Variants in KCNK9 observed in about 807,000 individuals in gnomAD.
KCNK9 encodes potassium two pore domain channel subfamily K member 9.
Under a neutral mutation model 10.8 loss-of-function variants are expected in KCNK9, and 1 was observed. That is an observed-to-expected ratio of 0.09 (90% confidence interval 0.03 to 0.44). The LOEUF is 0.44. Among genes scored for constraint, KCNK9 ranks in the 20% least tolerant of loss-of-function variants. The pLI is 0.97. For missense variants in KCNK9, 303 were observed against 515.0 expected (o/e 0.59, Z 3.98); for synonymous variants, 231 against 222.7 (o/e 1.04, Z -0.33).
At chr8:139,609,865 G>A (rs1432072400), downstream of KCNK9, among the ~76,000 whole-genome samples, 1 of 152,244 alleles carries the variant, frequency 6.6e-6, no homozygotes, top group East Asian at 1.9e-4. Flanking sequence ...TGTCCATGGT[G>A]GACACTGGGG....
chr8:139,667,205 C>T (rs992706797), intron 1 of KCNK9, among the ~76,000 whole-genome samples: 1 of 152,222 alleles, frequency 6.6e-6, no homozygotes, highest in African/African-American at 2.4e-5. Flanking sequence ...TCAGACCAGT[C>T]CCCACAGGGG....
At chr8:139,606,779 G>A (rs757871308) in intron 2 of KCNK9, among the ~76,000 whole-genome samples, 4 of 152,080 alleles carry the variant, frequency 2.6e-5, no homozygotes, top group East Asian at 3.8e-4. Context: ...ACTGTAAGCC[G>A]CCTCATCAAT....
intron 1 of KCNK9, among the ~76,000 whole-genome samples, chr8:139,675,989 A>C (rs989371994): frequency 2.0e-5 from 3 of 152,222 alleles, no homozygotes; most frequent in African/African-American, 7.2e-5. Flanking sequence ...GGCCTGAGGC[A>C]TGAGAAATGT....
intron 1 of KCNK9, among the ~76,000 whole-genome samples, chr8:139,680,131 G>A (rs1297921646): frequency 5.9e-5 from 9 of 152,168 alleles, no homozygotes; most frequent in African/African-American, 1.4e-4. Flanking sequence ...AGCAAGGGCC[G>A]GCAGCGTCCC....
chr8:139,660,445 A>ATATAT, intron 1 of KCNK9, among the ~76,000 whole-genome samples: 1 of 126,874 alleles, frequency 7.9e-6, no homozygotes, highest in East Asian at 3.8e-4. Flanking sequence ...CTCTGCTAAA[A>ATATAT]AAAAATATAT....
intron 1 of KCNK9, among the ~76,000 whole-genome samples, chr8:139,690,254 G>A (rs942217855): frequency 4.6e-5 from 7 of 152,200 alleles, no homozygotes; most frequent in African/African-American, 1.7e-4. Flanking sequence ...TAGTCTCTCT[G>A]ATCTTCTAGA....
At chr8:139,613,920 G>A (rs1814504771), downstream of KCNK9, among the ~76,000 whole-genome samples, 1 of 152,246 alleles carries the variant, frequency 6.6e-6, no homozygotes, top group East Asian at 1.9e-4. Context: ...GACGGGGCCA[G>A]TGCACTGATA....
At chr8:139,606,657 G>A (rs1401339269) in intron 2 of KCNK9, among the ~76,000 whole-genome samples, 2 of 152,146 alleles carry the variant, frequency 1.3e-5, no homozygotes, top group African/African-American at 4.8e-5. Flanking sequence ...ACATCTAAGA[G>A]GGATTATCAG....
At chr8:139,659,984 A>G (rs1297183643) in intron 1 of KCNK9, among the ~76,000 whole-genome samples, 1 of 152,104 alleles carries the variant, frequency 6.6e-6, no homozygotes, top group Non-Finnish European at 1.5e-5. Context: ...AGTGGGAGGG[A>G]TGGAGATGGG....
In KCNK9 at chr8:139,702,663, G is replaced by T; in HGVS notation, c.283+47C>A. ...GCGCGGCGCGCTCAGCCGCCTCCCC[G>T]GACTCCTCCCGGGGCGCGGGAGCCC... On this transcript the variant is annotated intron_variant, in intron 1 of 1. Transcript: ENST00000520439. This position sits in a 1 kb window ranked among gnomAD's most constrained non-coding sequence, Gnocchi z 7.5. The T allele has an allele frequency of 1.3e-6, 2 of 1,555,724 alleles. No homozygotes were observed. The highest frequency in any genetic ancestry group is 1.2e-5 in the South Asian group (1 of 86,422).
At chr8:139,656,623 T>C (rs966578415) in intron 1 of KCNK9, among the ~76,000 whole-genome samples, 1 of 152,214 alleles carries the variant, frequency 6.6e-6, no homozygotes, top group African/African-American at 2.4e-5. Context: ...AAATGACTGA[T>C]GATTTTCTTC....
intron 1 of KCNK9, among the ~76,000 whole-genome samples, chr8:139,680,383 G>A (rs927869397): frequency 4.6e-5 from 7 of 152,166 alleles, no homozygotes; most frequent in South Asian, 2.1e-4. Context: ...CCATTATCCC[G>A]GGCCTACAAG....
In KCNK9 at chr8:139,703,006, G is replaced by T. The variant is rs746017188; in HGVS notation, c.-14C>A. On this transcript the variant is annotated 5_prime_UTR_variant, in exon 1 of 2. Transcript: ENST00000520439. This position sits in a 1 kb window ranked among gnomAD's most constrained non-coding sequence, Gnocchi z 6.4. ...CTGCCTCTTCATGGCCGCCAGCAAGGAGCCGGCGCGGGGGGCATGTCCCGC... is the reference window on the plus strand; with the variant it reads ...CTGCCTCTTCATGGCCGCCAGCAAGTAGCCGGCGCGGGGGGCATGTCCCGC... 9.0e-6 allele frequency: 14 copies of T among 1,550,764 alleles called. No homozygotes were observed. The Admixed American group carries it at 2.7e-4, about 30-fold the overall frequency.
chr8:139,664,542 C>T (rs964122153), intron 1 of KCNK9, among the ~76,000 whole-genome samples: 2 of 152,130 alleles, frequency 1.3e-5, no homozygotes, highest in East Asian at 1.9e-4. Context: ...CTAGTTTCAC[C>T]GAATTGAGAA....
intron 1 of KCNK9, among the ~76,000 whole-genome samples, chr8:139,678,360 G>T (rs1353784869): frequency 6.6e-6 from 1 of 152,194 alleles, no homozygotes; most frequent in African/African-American, 2.4e-5. Context: ...GAGCCCTGAG[G>T]TCACTGTCCC....
chr8:139,702,935 G>A lies in KCNK9; in HGVS notation c.58C>T (p.Leu20=). The A allele has an allele frequency of 6.2e-7, 1 of 1,612,640 alleles. No homozygotes were observed. The highest frequency in any genetic ancestry group is 8.5e-7 in the Non-Finnish European group (1 of 1,179,534). The change falls in exon 1 of 2, where the codon CTG becomes TTG. Residue 20 remains leucine (L), a synonymous_variant. Coordinates refer to ENST00000520439, the MANE Select transcript of KCNK9 (RefSeq NM_001282534.2). The surrounding 1 kb of genome is among the most constrained non-coding windows in gnomAD (Gnocchi z 7.5). ...SLIVCTFTYL[L]VGAAVFDALE... is the part of the protein sequence containing the mutation. The stretch of plus-strand genomic sequence containing the variant: ...GCGTCGAACACGGCGGCGCCCACCA[G>A]CAGGTAGGTGAAGGTGCAGACGATG...
chr8:139,608,872 G>A (rs374767148), downstream of KCNK9, among the ~76,000 whole-genome samples: 110 of 152,304 alleles, frequency 7.2e-4, 2 homozygotes, highest in East Asian at 0.011. Flanking sequence ...TGTCTGTGGT[G>A]CTGAGCCCAG....
At chr8:139,664,708 G>A (rs1222618693) in intron 1 of KCNK9, among the ~76,000 whole-genome samples, 1 of 152,164 alleles carries the variant, frequency 6.6e-6, no homozygotes, top group Non-Finnish European at 1.5e-5. Flanking sequence ...GAGCCGTAAG[G>A]CGTGTGACCA....
At chr8:139,655,078 G>A (rs1815982983) in intron 1 of KCNK9, among the ~76,000 whole-genome samples, 1 of 152,198 alleles carries the variant, frequency 6.6e-6, no homozygotes, top group South Asian at 2.1e-4. Flanking sequence ...GTCTGGTGTC[G>A]AGATCCAAAT....
Sources: allele counts gnomAD v4.1 joint callset (sites outside exome capture counted in the v4.1 genomes callset), GRCh38; gene constraint gnomAD v4.1.1; non-coding constraint Gnocchi (gnomAD v3.1); transcripts MANE v1.5; gene names NCBI Gene and HGNC (gene_info 2026-07-23, HGNC 2026-07-21).